The following ELSPBP1 variants were observed in gnomAD, a reference collection of about 807,000 sequenced individuals.
ELSPBP1 encodes epididymal sperm binding protein 1, also known as epididymal sperm-binding protein 1.
Under a neutral mutation model 33.3 loss-of-function variants are expected in ELSPBP1, and 38 were observed. That is an observed-to-expected ratio of 1.14 (90% CI 0.88 to 1.50). The LOEUF (loss-of-function observed/expected upper bound fraction) is 1.50, where lower values mean the gene tolerates loss of function less well. Among genes scored for constraint, ELSPBP1 ranks in the 40% most tolerant of loss-of-function variants. The probability of loss-of-function intolerance (pLI) is 0.00; values close to 1 mark genes in which losing one functional copy is unlikely to be tolerated. For synonymous variants in ELSPBP1, 85 were observed against 94.1 expected (o/e 0.90, Z 0.56); for missense variants, 267 against 263.5 (o/e 1.01, Z -0.09).
intron 1 of ELSPBP1, among the ~76,000 whole-genome samples, chr19:48,005,169 C>T (rs913895891): frequency 3.3e-5 from 5 of 151,082 alleles, no homozygotes; most frequent in African/African-American, 1.2e-4. Flanking sequence ...CGCCACTGCA[C>T]TGCAGCCTGG....
Position 48,011,723 on chromosome 19 carries a change from T to A in ELSPBP1, c.71-2448T>A, listed in dbSNP as rs1391200115. 1.3e-5 allele frequency among the ~76,000 whole-genome samples: 2 copies of A among 151,914 alleles called. No homozygotes were observed. The highest frequency in any genetic ancestry group is 2.4e-5 in the African/African-American group (1 of 41,346). On this transcript the variant is annotated intron_variant, in intron 2 of 6. Coordinates refer to ENST00000339841, the MANE Select transcript of ELSPBP1 (RefSeq NM_022142.5). This position sits in a 1 kb window ranked among gnomAD's most constrained non-coding sequence, Gnocchi z 4.5. Reference sequence around the variant, plus strand: ...ATGATCATGACAATGATGATGAGCATTATGATGATGCCAATGACAATAGCG... The same window carrying A: ...ATGATCATGACAATGATGATGAGCAATATGATGATGCCAATGACAATAGCG...
At position 48,014,019 on chromosome 19, in the gene ELSPBP1, C is replaced by T. The variant is rs915709522; in HGVS notation, c.71-152C>T. ...TTCCAAAGGCCCCTCGTACCATGACCGTGGGGGTTAGGATTTTAACATATG... is the reference window on the plus strand; with the variant it reads ...TTCCAAAGGCCCCTCGTACCATGACTGTGGGGGTTAGGATTTTAACATATG... On this transcript the variant is annotated intron_variant, in intron 2 of 6. Coordinates refer to ENST00000339841, the MANE Select transcript of ELSPBP1 (RefSeq NM_022142.5). 12 of 868,190 alleles carry T rather than the reference C, an allele frequency of 1.4e-5. 1 individual carries two copies. The highest frequency in any genetic ancestry group is 1.1e-4 in the South Asian group (7 of 62,670). 53.8% of individuals were successfully genotyped at this position (868,190 alleles called of 1,614,324 possible).
At chr19:48,010,562 C>T (rs1387197710) in intron 2 of ELSPBP1, among the ~76,000 whole-genome samples, 11 of 152,228 alleles carry the variant, frequency 7.2e-5, no homozygotes, top group African/African-American at 2.4e-4. Flanking sequence ...TTGGCAACTG[C>T]ATTCATTTAT....
At chr19:48,015,415 G>A (rs36045231) in intron 3 of ELSPBP1, among the ~76,000 whole-genome samples, 14,139 of 152,172 alleles carry the variant, frequency 0.093, 813 homozygotes, top group African/African-American at 0.17. Context: ...CAGCACTTTG[G>A]GAGGCCGAGG....
At chr19:48,019,098 G>A (rs1378714577) in intron 4 of ELSPBP1, among the ~76,000 whole-genome samples, 1 of 152,172 alleles carries the variant, frequency 6.6e-6, no homozygotes, top group Non-Finnish European at 1.5e-5. Context: ...AGGTTGCAGT[G>A]AGCCGAGATC....
In ELSPBP1 at chr19:48,011,439, C is replaced by G. The variant is rs536758790; in HGVS notation, c.70+2702C>G. Among the ~76,000 whole-genome samples, 1 of 75,904 alleles carries G rather than the reference C, an allele frequency of 1.3e-5. No homozygotes were observed. The highest frequency in any genetic ancestry group is 8.8e-4 in the East Asian group (1 of 1,130). 49.8% of individuals were successfully genotyped at this position (75,904 alleles called of 152,430 possible). A position where few individuals can be genotyped will look rare whatever the true frequency, so the allele number is the denominator to read the frequency against. On this transcript the variant is annotated intron_variant, in intron 2 of 6. Coordinates refer to ENST00000339841, the MANE Select transcript of ELSPBP1 (RefSeq NM_022142.5). The surrounding 1 kb of genome is among the most constrained non-coding windows in gnomAD (Gnocchi z 4.5). ...GTGATGAGGAGGAGAATAATGATCACGATGACAGTGATGATGATGACAATG... is the reference window on the plus strand; with the variant it reads ...GTGATGAGGAGGAGAATAATGATCAGGATGACAGTGATGATGATGACAATG...
intron 4 of ELSPBP1, among the ~76,000 whole-genome samples, chr19:48,016,530 T>A (rs1431457969): frequency 1.7e-5 from 1 of 59,328 alleles, no homozygotes; most frequent in African/African-American, 5.4e-5. Flanking sequence ...CTTTCTTTCT[T>A]CCTTCCTTCC....
intron 4 of ELSPBP1, among the ~76,000 whole-genome samples, chr19:48,017,673 G>T (rs1967156277): frequency 6.6e-6 from 1 of 152,020 alleles, no homozygotes; most frequent in South Asian, 2.1e-4. Flanking sequence ...CAGGAGAATT[G>T]CCTGAGGCCA....
At chr19:48,004,096 A>T (rs1264640650) in intron 1 of ELSPBP1, among the ~76,000 whole-genome samples, 1 of 151,076 alleles carries the variant, frequency 6.6e-6, no homozygotes, top group East Asian at 2.0e-4. Context: ...GGCACGCACC[A>T]TCATGTGGAG....
chr19:47,995,370 C>T (rs1600098147), intron 1 of ELSPBP1, among the ~76,000 whole-genome samples: 1 of 152,184 alleles, frequency 6.6e-6, no homozygotes, highest in Non-Finnish European at 1.5e-5. Flanking sequence ...GAAAAGGGAA[C>T]AAGTTACCTG....
chr19:48,006,475 G>T (rs576507955), intron 1 of ELSPBP1, among the ~76,000 whole-genome samples: 1 of 151,830 alleles, frequency 6.6e-6, no homozygotes, highest in South Asian at 2.1e-4. Flanking sequence ...TTAGCCAGGC[G>T]TGGTGGCACG....
rs116777067 is a variant in ELSPBP1, at chr19:47,997,777, T to C, written c.-18+2966T>C. 3.9e-3 allele frequency among the ~76,000 whole-genome samples: 589 copies of C among 152,324 alleles called. 1 individual carries two copies. The highest frequency in any genetic ancestry group is 0.014 in the African/African-American group (562 of 41,558). On this transcript the variant is annotated intron_variant, in intron 1 of 6. Coordinates refer to ENST00000339841, the MANE Select transcript of ELSPBP1 (RefSeq NM_022142.5). ...AGGGTATTTAGGATATCCATTACTT[T>C]CAACATTTATCATTTCTTTGTGTTG...
At position 48,022,208 on chromosome 19, in the gene ELSPBP1, C is replaced by A. The variant is rs113159670; in HGVS notation, c.553C>A (p.Pro185Thr). The A allele has an allele frequency of 4.2e-4, 685 of 1,613,682 alleles. 5 individuals are homozygous for A. In the African/African-American group the frequency reaches 6.0e-3, roughly 14 times the overall value. The change falls in exon 6 of 7, where the codon CCG becomes ACG. Residue 185 changes from proline to threonine, a missense_variant. Coordinates refer to ENST00000339841, the MANE Select transcript of ELSPBP1 (RefSeq NM_022142.5). The part of the protein sequence containing the change: ...ALVPGFPCHF[P>T]FNYKNKNYFN... ...GGTCCCTGGCTTTCCTTGTCACTTT[C>A]CGTTCAACTATAAAAACAAGAATTA...
intron 1 of ELSPBP1, among the ~76,000 whole-genome samples, chr19:48,006,375 A>T (rs1967017292): frequency 6.6e-6 from 1 of 152,118 alleles, no homozygotes; most frequent in African/African-American, 2.4e-5. Context: ...GCACTTTAAG[A>T]GGCCGAGGCG....
At chr19:48,014,746 C>T (rs1221247671) in intron 3 of ELSPBP1, among the ~76,000 whole-genome samples, 2 of 145,944 alleles carry the variant, frequency 1.4e-5, no homozygotes, top group Non-Finnish European at 3.0e-5. Context: ...TTTTTAATTT[C>T]CACAAATAAA....
At chr19:48,017,247 T>G (rs908004885) in intron 4 of ELSPBP1, among the ~76,000 whole-genome samples, 4 of 152,196 alleles carry the variant, frequency 2.6e-5, no homozygotes, top group Admixed American at 6.5e-5. Flanking sequence ...TTCGTAGGCA[T>G]GCTTACTCTT....
chr19:48,014,227 T>G lies in ELSPBP1; in HGVS notation c.127T>G (p.Cys43Gly). Residue 43 changes from cysteine (C) to glycine (G), a missense_variant, in exon 3 of 7, where the codon TGC (cysteine) becomes GGC (glycine). Cys to Gly is a radical substitution (Grantham distance 159). Transcript: ENST00000339841. Reference sequence around the variant, plus strand: ...CTACAAGGGATCTGTTTACTTCACTTGCACCCATATTCATAGCTTATCCCC... The same window carrying G: ...CTACAAGGGATCTGTTTACTTCACTGGCACCCATATTCATAGCTTATCCCC... ...FTYKGSVYFT[C>G]THIHSLSPWC... is the part of the protein sequence containing the mutation. The G allele has an allele frequency of 6.2e-7, 1 of 1,614,056 alleles. No homozygotes were observed. Among genetic ancestry groups the G allele is most frequent in the Non-Finnish European group, 8.5e-7 (1 of 1,179,956 alleles).
rs1198974173 is a variant in ELSPBP1 at position 48,011,829 on chromosome 19, A to T, written c.71-2342A>T. 1.3e-5 allele frequency among the ~76,000 whole-genome samples: 2 copies of T among 152,188 alleles called. No individual in the cohort carries two copies. Among genetic ancestry groups the T allele is most frequent in the African/African-American group, 4.8e-5 (2 of 41,444 alleles). On this transcript the variant is annotated intron_variant, in intron 2 of 6. Transcript: ENST00000339841. The surrounding 1 kb of genome is among the most constrained non-coding windows in gnomAD (Gnocchi z 4.5). ...TCATAGCTAATATTTATTAAGCAGCAGCCATGCTCCAGGTACTCTTCTAAG... is the reference window on the plus strand; with the variant it reads ...TCATAGCTAATATTTATTAAGCAGCTGCCATGCTCCAGGTACTCTTCTAAG...
intron 5 of ELSPBP1, among the ~76,000 whole-genome samples, chr19:48,020,738 C>A (rs967264012): frequency 2.6e-5 from 4 of 152,170 alleles, no homozygotes; most frequent in Non-Finnish European, 5.9e-5. Flanking sequence ...CTTCCCTATT[C>A]CAGTGCCTGC....
Sources: gnomAD v4.1 joint callset for allele counts (sites outside exome capture counted in the v4.1 genomes callset) on GRCh38, gnomAD v4.1.1 for gene constraint, Gnocchi (gnomAD v3.1) non-coding constraint, MANE v1.5 for transcripts, NCBI Gene and HGNC (gene_info 2026-07-23, HGNC 2026-07-21) for gene names.